Variants in BMAL1 observed in about 807,000 individuals in gnomAD.
The protein encoded by BMAL1 is basic helix-loop-helix ARNT like 1.
chr11:13,377,667 G>C, the BMAL1 span, among the ~76,000 whole-genome samples: 1 of 152,134 alleles, frequency 6.6e-6, no homozygotes, highest in African/African-American at 2.4e-5. Flanking sequence ...GTCCAAATTC[G>C]TTAGTACGGC....
At chr11:13,345,007 G>C in the BMAL1 span, among the ~76,000 whole-genome samples, 1 of 152,224 alleles carries the variant, frequency 6.6e-6, no homozygotes, top group African/African-American at 2.4e-5. Context: ...TCAGAGTTTT[G>C]TGGAGAAGTA....
At chr11:13,315,344 C>T in the BMAL1 span, among the ~76,000 whole-genome samples, 1 of 152,210 alleles carries the variant, frequency 6.6e-6, no homozygotes, top group Non-Finnish European at 1.5e-5. Flanking sequence ...CCCCAACCTC[C>T]CTGATAAGAA....
At chr11:13,278,111 G>T in the BMAL1 span, among the ~76,000 whole-genome samples, 4 of 152,106 alleles carry the variant, frequency 2.6e-5, no homozygotes, top group African/African-American at 9.7e-5. Context: ...CACCCGGGCC[G>T]TGGGGAGGCT....
At chr11:13,343,052 C>T in the BMAL1 span, among the ~76,000 whole-genome samples, 5 of 152,332 alleles carry the variant, frequency 3.3e-5, no homozygotes, top group Admixed American at 1.3e-4. Flanking sequence ...CTTTTCACCA[C>T]AACTGTGAGG....
the BMAL1 span, among the ~76,000 whole-genome samples, chr11:13,386,093 C>G: frequency 1.3e-5 from 2 of 152,146 alleles, no homozygotes; most frequent in Non-Finnish European, 2.9e-5. Flanking sequence ...GAGATAATGC[C>G]TAGAAGGGTG....
the BMAL1 span, chr11:13,354,204 C>CCCCCCCCCCCCCAA: frequency 1.2e-6 from 1 of 846,094 alleles, no homozygotes; most frequent in Non-Finnish European, 1.7e-6. Flanking sequence ...CCCCCGGCCC[C>CCCCCCCCCCCCCAA]CCACCACCAA....
At chr11:13,341,873 C>A in the BMAL1 span, among the ~76,000 whole-genome samples, 1 of 152,216 alleles carries the variant, frequency 6.6e-6, no homozygotes, top group Admixed American at 6.5e-5. Flanking sequence ...GGGATTGCAC[C>A]CTGTGCCCTC....
the BMAL1 span, among the ~76,000 whole-genome samples, chr11:13,294,508 G>C: frequency 6.6e-6 from 1 of 152,154 alleles, no homozygotes; most frequent in East Asian, 1.9e-4. Context: ...TTCACAACCT[G>C]GCTTGGACTA....
chr11:13,279,312 A>G, the BMAL1 span, among the ~76,000 whole-genome samples: 1 of 152,250 alleles, frequency 6.6e-6, no homozygotes, highest in African/African-American at 2.4e-5. Flanking sequence ...TTAAACATCC[A>G]TAAAAGCTGC....
chr11:13,318,078 C>T, the BMAL1 span, among the ~76,000 whole-genome samples: 1 of 152,244 alleles, frequency 6.6e-6, no homozygotes, highest in African/African-American at 2.4e-5. Context: ...GTGGTCCCTC[C>T]CCTGGGAGCT....
the BMAL1 span, among the ~76,000 whole-genome samples, chr11:13,342,736 T>C: frequency 2.0e-5 from 3 of 152,226 alleles, no homozygotes; most frequent in African/African-American, 4.8e-5. Context: ...TGTAAATCCC[T>C]GCACCCTCTG....
the BMAL1 span, among the ~76,000 whole-genome samples, chr11:13,363,943 C>T: frequency 6.6e-6 from 1 of 152,174 alleles, no homozygotes; most frequent in Non-Finnish European, 1.5e-5. Context: ...CTGATGCATT[C>T]ACTGCTTTGG....
chr11:13,354,200 G>GGCCCCCCC, the BMAL1 span: 1 of 364,714 alleles, frequency 2.7e-6, no homozygotes, highest in Non-Finnish European at 5.3e-6. Context: ...TCCCCCCCCG[G>GGCCCCCCC]CCCCCCACCA....
At chr11:13,293,771 C>T in the BMAL1 span, among the ~76,000 whole-genome samples, 1 of 152,218 alleles carries the variant, frequency 6.6e-6, no homozygotes, top group Non-Finnish European at 1.5e-5. Context: ...TTGCTCATTC[C>T]TCTGTGTAGG....
At chr11:13,306,956 G>A in the BMAL1 span, among the ~76,000 whole-genome samples, 1 of 152,218 alleles carries the variant, frequency 6.6e-6, no homozygotes, top group Non-Finnish European at 1.5e-5. Flanking sequence ...CAATCCCAGC[G>A]AAGGGGGAGA....
chr11:13,347,258 G>A, the BMAL1 span, among the ~76,000 whole-genome samples: 1 of 152,102 alleles, frequency 6.6e-6, no homozygotes, highest in Non-Finnish European at 1.5e-5. Context: ...GCACATGCCT[G>A]TAGTCCCAGC....
the BMAL1 span, among the ~76,000 whole-genome samples, chr11:13,288,549 G>A: frequency 9.3e-3 from 1,406 of 151,610 alleles, 19 homozygotes; most frequent in African/African-American, 0.032. Context: ...AGGTTAAGTG[G>A]CAAGTCGGAG....
the BMAL1 span, among the ~76,000 whole-genome samples, chr11:13,372,726 G>A: frequency 6.6e-6 from 1 of 152,098 alleles, no homozygotes; most frequent in Non-Finnish European, 1.5e-5. Context: ...AGGAGGATCA[G>A]CTGAGCCTCG....
chr11:13,342,006 C>G, the BMAL1 span, among the ~76,000 whole-genome samples: 10 of 152,334 alleles, frequency 6.6e-5, no homozygotes, highest in African/African-American at 2.4e-4. Flanking sequence ...ATATCGCCCC[C>G]AGCCTTGCCC....
Sources: gnomAD v4.1 joint callset for allele counts (sites outside exome capture counted in the v4.1 genomes callset) on GRCh38, gnomAD v4.1.1 for gene constraint, MANE v1.5 for transcripts, NCBI Gene and HGNC (gene_info 2026-07-23, HGNC 2026-07-21) for gene names.